ASB3: variants seen among roughly 807,000 people sequenced by gnomAD.
ASB3 encodes the protein ankyrin repeat and SOCS box containing 3.
Under a neutral mutation model 54.5 loss-of-function variants are expected in ASB3, and 41 were observed. That is an observed-to-expected ratio of 0.75 (90% CI 0.59 to 0.98). The LOEUF is 0.98. Among genes scored for constraint, ASB3 ranks in the 50% least tolerant of loss-of-function variants. The pLI, the probability that ASB3 is intolerant of heterozygous loss-of-function variation, is 0.00. For synonymous variants in ASB3, 266 were observed against 221.2 expected (o/e 1.20, Z -1.80); for missense variants, 733 against 620.0 (o/e 1.18, Z -1.94).
rs1488922218 is a variant in ASB3, at chr2:53,761,016, G to A, written c.196+4361C>T. Reference sequence around the variant, plus strand: ...ATCTAAACTGCACGACCCCTACTATGCCCCAATACAGCAGGAAGCACTTAA... The same window carrying A: ...ATCTAAACTGCACGACCCCTACTATACCCCAATACAGCAGGAAGCACTTAA... On this transcript the variant is annotated intron_variant, in intron 2 of 9. Coordinates refer to ENST00000263634, the MANE Select transcript of ASB3 (RefSeq NM_016115.5). Among the ~76,000 whole-genome samples, 5 of 152,120 alleles carry A rather than the reference G, an allele frequency of 3.3e-5. No homozygotes were observed. The East Asian group carries it at 5.8e-4, about 18-fold the overall frequency.
chr2:53,714,519 C>T lies in ASB3; in HGVS notation c.845G>A (p.Ser282Asn). Residue 282 changes from serine (S) to asparagine (N), a missense_variant, in exon 7 of 10, where the codon AGC becomes AAC. Transcript: ENST00000263634. ...CCCAAACACTGCTGAGTAAACAGGG[C>T]TTACTTTGTTTAGCCCAGTGTCACA... ...RACDTGLNKV[S>N]PVYSAVFGGH... 2 of 1,614,192 alleles carry T rather than the reference C, an allele frequency of 1.2e-6. No individual in the cohort carries two copies. Among genetic ancestry groups the T allele is most frequent in the Non-Finnish European group, 8.5e-7 (1 of 1,180,016 alleles).
intron 5 of ASB3, among the ~76,000 whole-genome samples, chr2:53,721,807 C>G (rs1214683831): frequency 6.6e-6 from 1 of 151,820 alleles, no homozygotes; most frequent in Non-Finnish European, 1.5e-5. Context: ...AACAAACTAA[C>G]CCCAAAGCTA....
chr2:53,711,195 G>C (rs1231776374), intron 7 of ASB3, among the ~76,000 whole-genome samples: 2 of 152,086 alleles, frequency 1.3e-5, no homozygotes, highest in Non-Finnish European at 2.9e-5. Context: ...GGGTAAGTCA[G>C]GAATATGCAA....
At chr2:53,706,469 T>A (rs1026429878) in intron 7 of ASB3, among the ~76,000 whole-genome samples, 13 of 152,060 alleles carry the variant, frequency 8.5e-5, no homozygotes, top group Non-Finnish European at 1.9e-4. Context: ...GTTTTTTGAA[T>A]CTGCTATGTT....
At chr2:53,736,266 A>C (rs111303152) in intron 3 of ASB3, among the ~76,000 whole-genome samples, 1 of 152,186 alleles carries the variant, frequency 6.6e-6, no homozygotes, top group African/African-American at 2.4e-5. Flanking sequence ...CCATTAGGGA[A>C]ATGCAAATGA....
intron 3 of ASB3, among the ~76,000 whole-genome samples, chr2:53,730,062 T>C (rs1671214014): frequency 6.6e-6 from 1 of 152,224 alleles, no homozygotes; most frequent in East Asian, 1.9e-4. Flanking sequence ...AATGTTCTTA[T>C]ATCCATCAAT....
chr2:53,779,651 G>A (rs1261090100), intron 1 of ASB3, among the ~76,000 whole-genome samples: 2 of 152,010 alleles, frequency 1.3e-5, no homozygotes, highest in Non-Finnish European at 2.9e-5. Flanking sequence ...TGCCCAGGCT[G>A]GTCTTGAACT....
At chr2:53,763,481 C>A (rs748854788) in intron 2 of ASB3, 3 of 169,258 alleles carry the variant, frequency 1.8e-5, no homozygotes, top group Non-Finnish European at 4.4e-5. Context: ...AGACGGCTGA[C>A]CTTTTGTATG....
In ASB3 at chr2:53,700,398, A is replaced by G. The variant is rs376975252; in HGVS notation, c.1111T>C (p.Leu371=). Residue 371 remains leucine (L), a synonymous_variant, in exon 8 of 10, where the codon TTG becomes CTG. Coordinates refer to ENST00000263634, the MANE Select transcript of ASB3 (RefSeq NM_016115.5). ...TCATATATATGGTTCCATGGTCCCA[A>G]TGAGCAACCTTTCCTCAAAAAGTAG... is the stretch of plus-strand genomic sequence containing the variant. ...FRYFLRKGCS[L]GPWNHIYEFV... is the part of the protein sequence containing the mutation. The G allele has an allele frequency of 4.3e-5, 70 of 1,613,992 alleles. No homozygotes were observed. Among genetic ancestry groups the G allele is most frequent in the African/African-American group, 8.0e-5 (6 of 74,910 alleles).
chr2:53,731,276 C>A (rs1374572197), intron 3 of ASB3, among the ~76,000 whole-genome samples: 1 of 152,102 alleles, frequency 6.6e-6, no homozygotes, highest in South Asian at 2.1e-4. Flanking sequence ...GTGGCACGCA[C>A]CTGTAATCCT....
chr2:53,722,306 C>T (rs1181646391), intron 5 of ASB3, among the ~76,000 whole-genome samples: 2 of 152,100 alleles, frequency 1.3e-5, no homozygotes, highest in African/African-American at 2.4e-5. Context: ...GGAGGAGAGA[C>T]TCCTCCCTAA....
chr2:53,777,416 T>C (rs1329848861), intron 1 of ASB3, among the ~76,000 whole-genome samples: 1 of 152,214 alleles, frequency 6.6e-6, no homozygotes, highest in African/African-American at 2.4e-5. Flanking sequence ...CAAAAACATT[T>C]CATTGTGTTT....
intron 3 of ASB3, among the ~76,000 whole-genome samples, chr2:53,730,880 T>C (rs1671269816): frequency 6.6e-6 from 1 of 152,158 alleles, no homozygotes; most frequent in African/African-American, 2.4e-5. Context: ...GAATCAACAC[T>C]TCTCAGTCAC....
At position 53,714,544 on chromosome 2, in the gene ASB3, A is replaced by G. The variant is rs200291364; in HGVS notation, c.820T>C (p.Cys274Arg). The G allele has an allele frequency of 2.0e-4, 320 of 1,614,212 alleles. No homozygotes were observed. The highest frequency in any genetic ancestry group is 3.3e-4 in the Middle Eastern group (2 of 6,062). Residue 274 changes from cysteine to arginine, a missense_variant, in exon 7 of 10, where the codon TGT (cysteine) becomes CGT (arginine). By Grantham distance (180) the Cys-to-Arg change is radical. Coordinates refer to ENST00000263634, the MANE Select transcript of ASB3 (RefSeq NM_016115.5). Reference sequence around the variant, plus strand: ...CTTACTTTGTTTAGCCCAGTGTCACAGGCCCGGTTAGTAAGTGGTATTAAC... The same window carrying G: ...CTTACTTTGTTTAGCCCAGTGTCACGGGCCCGGTTAGTAAGTGGTATTAAC... ...DLLIPLTNRA[C>R]DTGLNKVSPV...
At chr2:53,756,288 C>T (rs574001432) in intron 2 of ASB3, among the ~76,000 whole-genome samples, 8 of 152,272 alleles carry the variant, frequency 5.3e-5, no homozygotes, top group Non-Finnish European at 8.8e-5. Context: ...TGAAGAGACC[C>T]ATCACTCAGA....
chr2:53,766,315 G>A (rs991698464), intron 1 of ASB3, among the ~76,000 whole-genome samples: 9 of 152,148 alleles, frequency 5.9e-5, no homozygotes, highest in Non-Finnish European at 1.3e-4. Flanking sequence ...TTCCCCTCCA[G>A]TCAGAGTCCA....
intron 3 of ASB3, among the ~76,000 whole-genome samples, chr2:53,739,511 T>C (rs1671818046): frequency 6.6e-6 from 1 of 152,214 alleles, no homozygotes; most frequent in African/African-American, 2.4e-5. Context: ...GTAATTATCT[T>C]AGTGAATGCT....
intron 3 of ASB3, among the ~76,000 whole-genome samples, chr2:53,734,124 C>T (rs1054481077): frequency 3.3e-5 from 5 of 152,170 alleles, no homozygotes; most frequent in African/African-American, 4.8e-5. Context: ...CCAGCGTGGG[C>T]GTTATGGCCA....
At chr2:53,675,920 T>C (rs1203034055) in intron 9 of ASB3, among the ~76,000 whole-genome samples, 9 of 151,992 alleles carry the variant, frequency 5.9e-5, no homozygotes, top group African/African-American at 2.2e-4. Flanking sequence ...TGGAGGGGAG[T>C]TCCTTTCAGA....
Sources: allele counts gnomAD v4.1 joint callset (sites outside exome capture counted in the v4.1 genomes callset), GRCh38; gene constraint gnomAD v4.1.1; transcripts MANE v1.5; gene names NCBI Gene and HGNC (gene_info 2026-07-23, HGNC 2026-07-21).